COPS8: variants seen among roughly 807,000 people sequenced by gnomAD.
The protein encoded by COPS8 is COP9 signalosome subunit 8.
A neutral mutation model predicts 31.5 loss-of-function variants in COPS8; 11 were observed. The ratio of observed to expected loss-of-function variants is 0.35; its 90% CI spans 0.22 to 0.58. COPS8 has a LOEUF of 0.58. Ranked by LOEUF, COPS8 falls within the 20% of genes least tolerant of loss-of-function variation. The pLI, the probability that COPS8 is intolerant of heterozygous loss-of-function variation, is 0.83. For missense variants in COPS8, 215 were observed against 255.1 expected (o/e 0.84, Z 1.07); for synonymous variants, 81 against 89.3 (o/e 0.91, Z 0.52).
intron 4 of COPS8, among the ~76,000 whole-genome samples, chr2:237,092,783 G>C (rs920142458): frequency 6.6e-6 from 1 of 152,182 alleles, no homozygotes; most frequent in African/African-American, 2.4e-5. Context: ...ATGAGGGGAA[G>C]GGATGGGAGT....
chr2:237,088,957 A>G (rs999699195), intron 3 of COPS8, among the ~76,000 whole-genome samples: 3 of 152,142 alleles, frequency 2.0e-5, no homozygotes, highest in African/African-American at 7.2e-5. Context: ...GAGGCAGCTG[A>G]GGTGATTTTC....
chr2:237,086,807 T>G, intron 1 of COPS8: 1 of 858,186 alleles, frequency 1.2e-6, no homozygotes, highest in African/African-American at 1.8e-5. Flanking sequence ...GTAAGATCAT[T>G]TAAATGGGAA....
intron 5 of COPS8, among the ~76,000 whole-genome samples, chr2:237,094,548 A>G (rs1166720765): frequency 6.6e-6 from 1 of 152,050 alleles, no homozygotes; most frequent in African/African-American, 2.4e-5. Context: ...TTTCTGACCC[A>G]TACCCTAGGC....
intron 2 of COPS8, among the ~76,000 whole-genome samples, chr2:237,087,977 A>G (rs940909973): frequency 4.7e-5 from 7 of 150,352 alleles, no homozygotes; most frequent in African/African-American, 1.7e-4. Context: ...AAAGTCTCCT[A>G]TAGTTCTGTG....
chr2:237,086,792 TAATA>T, intron 1 of COPS8: 2 of 921,424 alleles, frequency 2.2e-6, no homozygotes, highest in Non-Finnish European at 2.6e-6. Context: ...TTGTTTCTTA[TAATA>T]GTAAGATCAT....
At position 237,088,581 on chromosome 2, in the gene COPS8, C is replaced by A. The variant is rs183141618; in HGVS notation, c.150-24C>A. On this transcript the variant is annotated intron_variant, in intron 2 of 7. Transcript: ENST00000354371. Reference sequence around the variant, plus strand: ...ATGATTATGTTTTTAATTGATTATTCTTCTTTGTGGTGGCGTAAATTAGGA... The same window carrying A: ...ATGATTATGTTTTTAATTGATTATTATTCTTTGTGGTGGCGTAAATTAGGA... 1.3e-3 allele frequency: 1,952 copies of A among 1,550,388 alleles called. 9 individuals are homozygous for A. In the Middle Eastern group the frequency reaches 0.021, roughly 17 times the overall value.
intron 3 of COPS8, 93 bp downstream of exon 3, chr2:237,088,746 C>T: frequency 1.3e-6 from 1 of 750,950 alleles, no homozygotes; most frequent in East Asian, 2.6e-5. Flanking sequence ...TATCTGACGT[C>T]CTAGTAATAG....
chr2:237,086,706 G>T, intron 1 of COPS8: 2 of 784,306 alleles, frequency 2.6e-6, no homozygotes, highest in African/African-American at 1.9e-5. Flanking sequence ...CAACGCAGCT[G>T]TGGTGATTTT....
chr2:237,086,786 T>A, intron 1 of COPS8: 1 of 955,160 alleles, frequency 1.0e-6, no homozygotes, highest in Non-Finnish European at 1.3e-6. Context: ...TCGAATTTGT[T>A]TCTTATAATA....
rs1205590846 is a variant in COPS8 at position 237,100,256 on chromosome 2, C to T, written c.*2514C>T. On this transcript the variant is annotated 3_prime_UTR_variant, in exon 8 of 8. Transcript: ENST00000354371. ...CATGAAATATGTCCAGTACATCCAT[C>T]AGCCTGTCTTTGTGCTCTGGCTATT... is the stretch of plus-strand genomic sequence containing the variant. 6.6e-6 allele frequency: 1 copy of T among 152,186 alleles called. No homozygotes were observed. Among genetic ancestry groups the T allele is most frequent in the Non-Finnish European group, 1.5e-5 (1 of 68,046 alleles). 9.4% of individuals were successfully genotyped at this position (152,186 alleles called of 1,614,324 possible). A position where few individuals can be genotyped will look rare whatever the true frequency, so the allele number is the denominator to read the frequency against.
At position 237,098,009 on chromosome 2, in the gene COPS8, C is replaced by A; in HGVS notation, c.*267C>A. ...TATTACAGTTAGTTTTCTAGTGACT[C>A]ATAAAATAAGATTTCCTGTTTCATG... is the stretch of plus-strand genomic sequence containing the variant. On this transcript the variant is annotated 3_prime_UTR_variant, in exon 8 of 8. Coordinates refer to ENST00000354371, the MANE Select transcript of COPS8 (RefSeq NM_006710.5). 1 of 301,676 alleles carries A rather than the reference C, an allele frequency of 3.3e-6. No homozygotes were observed. Among genetic ancestry groups the A allele is most frequent in the Non-Finnish European group, 6.2e-6 (1 of 160,798 alleles). 18.7% of individuals were successfully genotyped at this position (301,676 alleles called of 1,614,324 possible).
Position 237,094,148 on chromosome 2 carries a change from C to T in COPS8, c.390C>T (p.Ala130=), listed in dbSNP as rs533865440. The T allele has an allele frequency of 1.7e-5, 28 of 1,613,998 alleles. No homozygotes were observed. Among genetic ancestry groups the T allele is most frequent in the East Asian group, 4.5e-5 (2 of 44,878 alleles). ...LVSQAYTSII[A]DDFAAFVGLP... is the part of the protein sequence containing the mutation. ...CTCAAGCGTATACTTCAATCATCGC[C>T]GATGATTTTGCAGCCTTTGTTGGAC... Residue 130 remains alanine (A), a synonymous_variant, in exon 5 of 8, where the codon GCC becomes GCT. Coordinates refer to ENST00000354371, the MANE Select transcript of COPS8 (RefSeq NM_006710.5).
At chr2:237,087,238 C>A in intron 2 of COPS8, 41 bp downstream of exon 2, 1 of 1,441,228 alleles carries the variant, frequency 6.9e-7, no homozygotes, top group Non-Finnish European at 9.6e-7. Context: ...ACAGGTTTCT[C>A]AAAGTTATAT....
chr2:237,087,737 C>T (rs1325361084), intron 2 of COPS8, among the ~76,000 whole-genome samples: 3 of 152,094 alleles, frequency 2.0e-5, no homozygotes, highest in Non-Finnish European at 4.4e-5. Flanking sequence ...TTGATACCAG[C>T]CTGGGGAATA....
At chr2:237,095,150 T>C (rs932238452) in intron 5 of COPS8, among the ~76,000 whole-genome samples, 6 of 152,232 alleles carry the variant, frequency 3.9e-5, no homozygotes, top group African/African-American at 1.4e-4. Context: ...TATTTACTCA[T>C]ACAAACATTT....
intron 4 of COPS8, among the ~76,000 whole-genome samples, chr2:237,091,177 G>A (rs996518835): frequency 2.0e-5 from 3 of 152,032 alleles, no homozygotes; most frequent in Admixed American, 1.3e-4. Flanking sequence ...TCCCGGAGCC[G>A]CCTCTCACTG....
rs370004556 is a variant in COPS8, at chr2:237,097,758, T to C, written c.*16T>C. 7.6e-6 allele frequency: 12 copies of C among 1,571,560 alleles called. No individual in the cohort carries two copies. The highest frequency in any genetic ancestry group is 9.6e-6 in the Non-Finnish European group (11 of 1,143,444). ...TGAAAACTGATTTATCACTCTGAGT[T>C]CAAGATTCATCTTCAGAATCCTGTA... On this transcript the variant is annotated 3_prime_UTR_variant, in exon 8 of 8. Coordinates refer to ENST00000354371, the MANE Select transcript of COPS8 (RefSeq NM_006710.5).
chr2:237,093,839 C>T, intron 4 of COPS8: 2 of 1,129,970 alleles, frequency 1.8e-6, no homozygotes, highest in Non-Finnish European at 2.2e-6. Flanking sequence ...AACCTTTTTC[C>T]ATCTTTGTAA....
At chr2:237,094,606 T>C (rs1165985851) in intron 5 of COPS8, among the ~76,000 whole-genome samples, 1 of 152,134 alleles carries the variant, frequency 6.6e-6, no homozygotes, top group Non-Finnish European at 1.5e-5. Context: ...AAATGTAACT[T>C]TGCATTTTCA....
Sources: gnomAD v4.1 joint callset for allele counts (sites outside exome capture counted in the v4.1 genomes callset) on GRCh38, gnomAD v4.1.1 for gene constraint, MANE v1.5 for transcripts, NCBI Gene and HGNC (gene_info 2026-07-23, HGNC 2026-07-21) for gene names.